The following RAI14 variants were observed in gnomAD, a reference collection of about 807,000 sequenced individuals.
RAI14 encodes the protein retinoic acid induced 14, also known as ankycorbin.
RAI14 carries 45 observed loss-of-function variants against 115.4 expected under a neutral mutation model. That is an observed-to-expected ratio of 0.39 (90% CI 0.31 to 0.50). The LOEUF is 0.50. RAI14 is among the 20% of genes least tolerant of loss of function. RAI14 has a pLI of 0.85. For synonymous variants in RAI14, 371 were observed against 415.4 expected (o/e 0.89, Z 1.30); for missense variants, 939 against 1,131.2 (o/e 0.83, Z 2.44).
At chr5:34,744,880 C>G (rs73074504) in intron 2 of RAI14, among the ~76,000 whole-genome samples, 11,844 of 152,252 alleles carry the variant, frequency 0.078, 531 homozygotes, top group African/African-American at 0.13. Context: ...AGGGAAGAAT[C>G]CTTCCTTGCC....
chr5:34,736,299 C>A (rs1744871333), intron 2 of RAI14, among the ~76,000 whole-genome samples: 2 of 152,130 alleles, frequency 1.3e-5, no homozygotes. Flanking sequence ...TACTCAGGAG[C>A]TGAGGCAGGA....
chr5:34,689,567 A>G (rs374815285), intron 2 of RAI14, among the ~76,000 whole-genome samples: 91 of 152,152 alleles, frequency 6.0e-4, no homozygotes, highest in African/African-American at 2.0e-3. Context: ...CTGGGGTGAC[A>G]GTTAAATGCA....
At chr5:34,680,627 T>C (rs113720554) in intron 1 of RAI14, among the ~76,000 whole-genome samples, 19 of 152,282 alleles carry the variant, frequency 1.2e-4, no homozygotes, top group African/African-American at 4.6e-4. Flanking sequence ...GTCAGACCCT[T>C]ACCTGGAAAG....
chr5:34,678,003 A>G (rs1287656555), intron 1 of RAI14, among the ~76,000 whole-genome samples: 1 of 152,102 alleles, frequency 6.6e-6, no homozygotes, highest in African/African-American at 2.4e-5. Flanking sequence ...GCATCTTCCT[A>G]TCACAGTTTG....
chr5:34,779,667 G>A (rs1751357603), intron 3 of RAI14, among the ~76,000 whole-genome samples: 1 of 152,202 alleles, frequency 6.6e-6, no homozygotes, highest in Non-Finnish European at 1.5e-5. Flanking sequence ...TACAAGGGAT[G>A]TGAAGGACCT....
intron 2 of RAI14, among the ~76,000 whole-genome samples, chr5:34,693,229 G>A (rs770413945): frequency 9.9e-5 from 15 of 152,124 alleles, no homozygotes; most frequent in Non-Finnish European, 2.2e-4. Flanking sequence ...TTTTTGGGAG[G>A]ACACAAGTCA....
chr5:34,752,737 GTGTGTGTGTGTGTATA>G lies in RAI14; in HGVS notation c.37-4729_37-4714del, dbSNP rs1438727147. On this transcript the variant is annotated intron_variant, in intron 2 of 17. Transcript: ENST00000265109. ...TGTGTGTGTGTGTGTGTGTGTGTGTGTGTGTGTGTGTGTATATATATATATATATGTATCTTTTCTT... is the reference window on the plus strand; with the variant it reads ...TGTGTGTGTGTGTGTGTGTGTGTGTGTATATATATATATGTATCTTTTCTT... Among the ~76,000 whole-genome samples the G allele has an allele frequency of 4.1e-4, 42 of 101,450 alleles. 1 individual carries two copies. Among genetic ancestry groups the G allele is most frequent in the African/African-American group, 1.6e-3 (41 of 25,664 alleles). 66.6% of individuals were successfully genotyped at this position (101,450 alleles called of 152,430 possible).
chr5:34,677,593 C>T (rs528258403), intron 1 of RAI14, among the ~76,000 whole-genome samples: 3 of 152,086 alleles, frequency 2.0e-5, no homozygotes, highest in Admixed American at 1.3e-4. Context: ...TACAGGTGCT[C>T]GCCACCATAC....
chr5:34,812,094 GGTGTATGTGT>G, intron 9 of RAI14, 76 bp from the exon 10 acceptor site: 9 of 1,317,406 alleles, frequency 6.8e-6, no homozygotes, highest in Middle Eastern at 2.5e-4. Context: ...TATTGTATAT[GGTGTATGTGT>G]GTGTATCCCC....
At chr5:34,713,961 C>T (rs1189525920) in intron 2 of RAI14, among the ~76,000 whole-genome samples, 3 of 152,086 alleles carry the variant, frequency 2.0e-5, no homozygotes, top group Admixed American at 6.5e-5. Flanking sequence ...TGTGCCACCA[C>T]GCCTGGCTAA....
chr5:34,688,348 T>A, intron 2 of RAI14: 1 of 1,208,616 alleles, frequency 8.3e-7, no homozygotes, highest in Non-Finnish European at 1.2e-6. Flanking sequence ...GGAATCTAGG[T>A]AGCTTTCATT....
intron 3 of RAI14, among the ~76,000 whole-genome samples, chr5:34,782,745 C>T (rs1751820960): frequency 6.6e-6 from 1 of 152,116 alleles, no homozygotes; most frequent in Non-Finnish European, 1.5e-5. Flanking sequence ...TTGCCATATT[C>T]CTTATCATTT....
chr5:34,761,282 G>A lies in RAI14; in HGVS notation c.167+3684G>A, dbSNP rs577731915. On this transcript the variant is annotated intron_variant, in intron 3 of 17. Coordinates refer to ENST00000265109, the MANE Select transcript of RAI14 (RefSeq NM_015577.3). ...GCTCACTGTAGCCTCAACCTCACAG[G>A]GTCAAGTGATCCTCCTGCCTCAGCC... 3.3e-5 allele frequency among the ~76,000 whole-genome samples: 5 copies of A among 152,292 alleles called. No individual in the cohort carries two copies. In the East Asian group the frequency reaches 5.8e-4, roughly 18 times the overall value.
intron 2 of RAI14, among the ~76,000 whole-genome samples, chr5:34,730,265 G>A (rs893999591): frequency 2.6e-5 from 4 of 152,310 alleles, no homozygotes; most frequent in South Asian, 4.2e-4. Flanking sequence ...ATGCACAAAT[G>A]TAGTACTAGC....
At chr5:34,787,068 T>C (rs1177168294) in intron 3 of RAI14, among the ~76,000 whole-genome samples, 1 of 152,206 alleles carries the variant, frequency 6.6e-6, no homozygotes, top group Non-Finnish European at 1.5e-5. Flanking sequence ...TAAGCGGTTT[T>C]CCGCCCTGGG....
intron 3 of RAI14, among the ~76,000 whole-genome samples, chr5:34,788,168 C>T (rs1474873843): frequency 2.6e-5 from 4 of 151,930 alleles, no homozygotes; most frequent in African/African-American, 9.7e-5. Context: ...ATCTGCCTTC[C>T]TCCGCCTCCC....
In RAI14 at chr5:34,830,955, T is replaced by C. The variant is rs1175731634; in HGVS notation, c.*190T>C. 3.0e-6 allele frequency: 3 copies of C among 1,007,490 alleles called. No homozygotes were observed. The highest frequency in any genetic ancestry group is 4.1e-6 in the Non-Finnish European group (3 of 731,278). 62.4% of individuals were successfully genotyped at this position (1,007,490 alleles called of 1,614,324 possible). On this transcript the variant is annotated 3_prime_UTR_variant, in exon 18 of 18. Coordinates refer to ENST00000265109, the MANE Select transcript of RAI14 (RefSeq NM_015577.3). ...CCCGCCTCAGAACTGCTTAGAGACT[T>C]CAAACCAGCAGAGGTGAAAGTCCCT...
intron 2 of RAI14, among the ~76,000 whole-genome samples, chr5:34,709,591 ATCT>A: frequency 6.6e-6 from 1 of 152,342 alleles, no homozygotes; most frequent in South Asian, 2.1e-4. Flanking sequence ...AAAAAAACAA[ATCT>A]TCATTCATAT....
At chr5:34,745,312 C>A (rs1322350557) in intron 2 of RAI14, among the ~76,000 whole-genome samples, 1 of 152,170 alleles carries the variant, frequency 6.6e-6, no homozygotes, top group East Asian at 1.9e-4. Context: ...AATCTCATTG[C>A]TCCTTTTTCA....
Sources: allele counts gnomAD v4.1 joint callset (sites outside exome capture counted in the v4.1 genomes callset), GRCh38; gene constraint gnomAD v4.1.1; transcripts MANE v1.5; gene names NCBI Gene and HGNC (gene_info 2026-07-23, HGNC 2026-07-21).